ITPR2: variants seen among roughly 807,000 people sequenced by gnomAD.
ITPR2 encodes the protein inositol 1,4,5-trisphosphate-gated calcium channel ITPR2.
Under a neutral mutation model 317.1 loss-of-function variants are expected in ITPR2, and 207 were observed. That is an observed-to-expected ratio of 0.65 (90% CI 0.58 to 0.73). The LOEUF is 0.73. Among genes scored for constraint, ITPR2 ranks in the 30% least tolerant of loss-of-function variants. ITPR2 has a pLI of 0.00. For missense variants in ITPR2, 2,613 were observed against 3,284.0 expected, an observed-to-expected ratio of 0.80 and a Z score of 4.99; for synonymous variants, 1,156 against 1,149.1, an observed-to-expected ratio of 1.01 and a Z score of -0.12.
intron 45 of ITPR2, among the ~76,000 whole-genome samples, chr12:26,474,329 TATC>T (rs896879926): frequency 5.3e-4 from 81 of 152,332 alleles, no homozygotes; most frequent in African/African-American, 1.8e-3. Flanking sequence ...ACAAAGGAGC[TATC>T]ATAGACAAAA....
At chr12:26,806,707 A>G (rs1403361702) in intron 1 of ITPR2, among the ~76,000 whole-genome samples, 2 of 152,126 alleles carry the variant, frequency 1.3e-5, no homozygotes, top group African/African-American at 4.8e-5. Context: ...TGCCTGGGTA[A>G]TTTTTGTCTT....
intron 32 of ITPR2, among the ~76,000 whole-genome samples, chr12:26,582,524 A>G (rs774592184): frequency 3.3e-5 from 5 of 152,224 alleles, no homozygotes; most frequent in Non-Finnish European, 7.3e-5. Flanking sequence ...TCATGCTTTA[A>G]GCCATTTTTG....
chr12:26,554,044 A>T (rs1441899506), intron 36 of ITPR2, among the ~76,000 whole-genome samples: 1 of 152,140 alleles, frequency 6.6e-6, no homozygotes, highest in Non-Finnish European at 1.5e-5. Context: ...CTATTATCAC[A>T]TCACTTCTGC....
At chr12:26,676,998 C>T (rs1413692042) in intron 13 of ITPR2, among the ~76,000 whole-genome samples, 1 of 151,986 alleles carries the variant, frequency 6.6e-6, no homozygotes. Flanking sequence ...AAGCATGCCG[C>T]GGCACTTTTC....
rs555816552 is a variant in ITPR2, at chr12:26,768,271, G to A, written c.163+21886C>T. Among the ~76,000 whole-genome samples the A allele has an allele frequency of 1.1e-4, 16 of 145,236 alleles. No homozygotes were observed. In the East Asian group the frequency reaches 2.4e-3, roughly 22 times the overall value. The stretch of plus-strand genomic sequence containing the variant: ...ACACTCTGGGGACGGTGGTGGGGTC[G>A]GGGGAAGGGGGAGGGATAGCAGTGG... On this transcript the variant is annotated intron_variant, in intron 2 of 56. Transcript: ENST00000381340.
Position 26,363,464 on chromosome 12 carries a change from C to T in ITPR2, c.7858-23136G>A, listed in dbSNP as rs575540517. On this transcript the variant is annotated intron_variant, in intron 55 of 56. Transcript: ENST00000381340. ...CCATTCCCACCTCCACCCCCTCACCCCCGATCCCAGTGCCTGGAAAAATTG... is the reference window on the plus strand; with the variant it reads ...CCATTCCCACCTCCACCCCCTCACCTCCGATCCCAGTGCCTGGAAAAATTG... Among the ~76,000 whole-genome samples the T allele has an allele frequency of 2.0e-5, 3 of 152,296 alleles. No homozygotes were observed. The South Asian group carries it at 6.2e-4, about 32-fold the overall frequency.
Position 26,713,641 on chromosome 12 carries a change from A to G in ITPR2, c.855+1658T>C, listed in dbSNP as rs1421021480. Among the ~76,000 whole-genome samples the G allele has an allele frequency of 4.6e-5, 7 of 152,368 alleles. No homozygotes were observed. The East Asian group carries it at 9.6e-4, about 21-fold the overall frequency. On this transcript the variant is annotated intron_variant, in intron 8 of 56. Coordinates refer to ENST00000381340, the MANE Select transcript of ITPR2 (RefSeq NM_002223.4). Reference sequence around the variant, plus strand: ...AAGCTATAAAACTAAAAGCAAAAATATGAGAGAATTTTCAAAACTCCTTTT... The same window carrying G: ...AAGCTATAAAACTAAAAGCAAAAATGTGAGAGAATTTTCAAAACTCCTTTT...
intron 55 of ITPR2, among the ~76,000 whole-genome samples, chr12:26,344,501 T>A (rs1938241676): frequency 6.6e-6 from 1 of 152,154 alleles, no homozygotes; most frequent in Non-Finnish European, 1.5e-5. Context: ...TGTGTGAGCA[T>A]TTGTAAAGTT....
At chr12:26,649,316 A>T (rs769324735) in intron 21 of ITPR2, 2 of 152,224 alleles carry the variant, frequency 1.3e-5, no homozygotes, top group Non-Finnish European at 2.9e-5. Context: ...GTATTTGCTA[A>T]AAACAAGTAC....
intron 54 of ITPR2, among the ~76,000 whole-genome samples, chr12:26,394,983 G>C (rs1939951385): frequency 6.6e-6 from 1 of 152,210 alleles, no homozygotes; most frequent in African/African-American, 2.4e-5. Context: ...CTAGGCTAGA[G>C]GAGGGAGACA....
intron 1 of ITPR2, among the ~76,000 whole-genome samples, chr12:26,803,942 A>G (rs183171951): frequency 6.1e-4 from 93 of 152,316 alleles, no homozygotes; most frequent in African/African-American, 2.0e-3. Context: ...GAGGCTGTAA[A>G]TCTGATCATT....
intron 49 of ITPR2, among the ~76,000 whole-genome samples, chr12:26,427,706 C>G (rs746269751): frequency 1.3e-5 from 2 of 152,016 alleles, no homozygotes; most frequent in Non-Finnish European, 2.9e-5. Flanking sequence ...AATGTTACTT[C>G]TTAAATATAG....
At chr12:26,782,478 G>C (rs907924643) in intron 2 of ITPR2, among the ~76,000 whole-genome samples, 17 of 152,228 alleles carry the variant, frequency 1.1e-4, no homozygotes, top group African/African-American at 3.9e-4. Context: ...TATTGTGTAG[G>C]AAAAGGATTA....
chr12:26,342,722 G>A (rs754386354), intron 55 of ITPR2, among the ~76,000 whole-genome samples: 4 of 152,156 alleles, frequency 2.6e-5, no homozygotes, highest in South Asian at 2.1e-4. Flanking sequence ...TGATTCTCCC[G>A]CCTCAGCCTC....
At chr12:26,399,483 T>C (rs1410648352) in intron 53 of ITPR2, among the ~76,000 whole-genome samples, 1 of 152,208 alleles carries the variant, frequency 6.6e-6, no homozygotes, top group Non-Finnish European at 1.5e-5. Context: ...TATATATAGC[T>C]CCTTCTTATT....
At chr12:26,347,350 T>C (rs1475299657) in intron 55 of ITPR2, among the ~76,000 whole-genome samples, 1 of 152,208 alleles carries the variant, frequency 6.6e-6, no homozygotes, top group Non-Finnish European at 1.5e-5. Flanking sequence ...GGGTAAGCTA[T>C]AAAAAGCAAG....
intron 1 of ITPR2, among the ~76,000 whole-genome samples, chr12:26,813,285 A>G (rs1950788335): frequency 6.6e-6 from 1 of 152,180 alleles, no homozygotes; most frequent in South Asian, 2.1e-4. Flanking sequence ...TGCTTATATA[A>G]CACCTTGCTT....
intron 48 of ITPR2, among the ~76,000 whole-genome samples, chr12:26,434,276 A>G (rs1446788882): frequency 1.3e-5 from 2 of 152,192 alleles, no homozygotes; most frequent in African/African-American, 2.4e-5. Context: ...CCATAAGAAT[A>G]CAGATTTGTC....
At chr12:26,642,188 T>C (rs973862910) in intron 21 of ITPR2, among the ~76,000 whole-genome samples, 3 of 152,242 alleles carry the variant, frequency 2.0e-5, no homozygotes, top group Non-Finnish European at 2.9e-5. Context: ...TTTTCATGTC[T>C]AGAATTTTAT....
Sources: allele counts gnomAD v4.1 joint callset (sites outside exome capture counted in the v4.1 genomes callset), GRCh38; gene constraint gnomAD v4.1.1; transcripts MANE v1.5; gene names NCBI Gene and HGNC (gene_info 2026-07-23, HGNC 2026-07-21).